The following SPC24 variants were observed in gnomAD, a reference collection of about 807,000 sequenced individuals.
SPC24 encodes kinetochore protein Spc24.
Under a neutral mutation model 27.6 loss-of-function variants are expected in SPC24, and 31 were observed. That is an observed-to-expected ratio of 1.12 (90% CI 0.84 to 1.52). SPC24 has a LOEUF of 1.52. Among genes scored for constraint, SPC24 ranks in the 40% most tolerant of loss-of-function variants. The pLI is 0.00. For missense variants in SPC24, 284 were observed against 252.5 expected, an observed-to-expected ratio of 1.12 and a Z score of -0.84; for synonymous variants, 105 against 105.8, an observed-to-expected ratio of 0.99 and a Z score of 0.05.
rs1453196112 is a variant in SPC24, at chr19:11,146,259, C to T, written c.*924G>A. The stretch of plus-strand genomic sequence containing the variant: ...GGTGCCTAGCAGAGTCTGGGCACAC[C>T]GTGGCACTCAAACATACCCCCTGAA... On this transcript the variant is annotated 3_prime_UTR_variant, in exon 5 of 5. Coordinates refer to ENST00000592540, the MANE Select transcript of SPC24 (RefSeq NM_182513.4). 5 of 151,444 alleles carry T rather than the reference C, an allele frequency of 3.3e-5. No individual in the cohort carries two copies. The highest frequency in any genetic ancestry group is 1.9e-4 in the East Asian group (1 of 5,150). 9.4% of individuals were successfully genotyped at this position (151,444 alleles called of 1,614,324 possible).
At position 11,147,970 on chromosome 19, in the gene SPC24, G is replaced by A. The variant is rs373725218; in HGVS notation, c.410+43C>T. The A allele has an allele frequency of 1.4e-5, 23 of 1,597,366 alleles. No individual in the cohort carries two copies. The African/African-American group carries it at 2.8e-4, about 20-fold the overall frequency. ...ACCAACTTCAACCAAGAGCCGGACT[G>A]CACAAGGAGGCACAGGCAGGCACAC... is the stretch of plus-strand genomic sequence containing the variant. On this transcript the variant is annotated intron_variant, in intron 3 of 4. Transcript: ENST00000592540.
chr19:11,153,546 G>T (rs1365949611), intron 1 of SPC24, among the ~76,000 whole-genome samples: 1 of 151,952 alleles, frequency 6.6e-6, no homozygotes, highest in Non-Finnish European at 1.5e-5. Flanking sequence ...CGGATCACGA[G>T]GTCAAGAGTT....
At position 11,148,033 on chromosome 19, in the gene SPC24, T is replaced by G. The variant is rs939035831; in HGVS notation, c.390A>C (p.Thr130=). ...CCTACACGGCCGAGGGGATTGTGAC[T>G]GTCGTGTCCTCGTCGACCTCCTTCT... ...RQEKEVDEDT[T]VTIPSAVYVA... is the part of the protein sequence containing the mutation. Residue 130 remains threonine (T), a synonymous_variant, in exon 3 of 5, where the codon ACA becomes ACC. Coordinates refer to ENST00000592540, the MANE Select transcript of SPC24 (RefSeq NM_182513.4). 1 of 1,613,746 alleles carries G rather than the reference T, an allele frequency of 6.2e-7. No individual in the cohort carries two copies.
chr19:11,150,627 T>A (rs1457799529), intron 1 of SPC24, among the ~76,000 whole-genome samples: 1 of 151,768 alleles, frequency 6.6e-6, no homozygotes, highest in African/African-American at 2.4e-5. Context: ...AAACCCCATC[T>A]CTACTAAAAA....
At chr19:11,148,170 T>G in intron 2 of SPC24, 53 bp from the exon 3 acceptor site, 5 of 1,236,316 alleles carry the variant, frequency 4.0e-6, no homozygotes, top group East Asian at 2.4e-5. Flanking sequence ...GCCCCTGCGC[T>G]AACTGCAGCT....
intron 1 of SPC24, 143 bp from the exon 2 acceptor site, chr19:11,149,381 G>T: frequency 1.7e-6 from 1 of 598,480 alleles, no homozygotes; most frequent in South Asian, 4.5e-5. Flanking sequence ...CTGGCAACTT[G>T]TACAACTACT....
intron 1 of SPC24, among the ~76,000 whole-genome samples, chr19:11,153,752 T>C (rs1232506564): frequency 9.9e-6 from 1 of 101,100 alleles, no homozygotes; most frequent in African/African-American, 4.2e-5. Flanking sequence ...GGAGTAAGAC[T>C]GTCCTGGGAA....
chr19:11,153,035 A>AAATGT (rs1367301101), intron 1 of SPC24, among the ~76,000 whole-genome samples: 5,073 of 152,144 alleles, frequency 0.033, 287 homozygotes, highest in African/African-American at 0.12. Flanking sequence ...TGACTGTATA[A>AAATGT]GGCACCTGAA....
chr19:11,147,266 G>A lies in SPC24; in HGVS notation c.511C>T (p.Gln171Ter). 1.9e-6 allele frequency: 3 copies of A among 1,566,912 alleles called. No individual in the cohort carries two copies. The highest frequency in any genetic ancestry group is 1.9e-5 in the Admixed American group (1 of 53,150). The change falls in exon 5 of 5, where the codon CAG becomes TAG. Residue 171 changes from glutamine to a stop codon, truncating the protein, a stop_gained. Transcript: ENST00000592540. LOFTEE classifies it high-confidence loss of function. ...TGGGTGCTGTCCAGGTGGATGGGCT[G>A]GGCCACACTGGGGCCATGATGGACT... The part of the protein sequence containing the change: ...KGIHHGPSVA[Q>*]PIHLDSTQLS...
In SPC24 at chr19:11,148,002, G is replaced by A. The variant is rs2077841191; in HGVS notation, c.410+11C>T. 1 of 1,612,636 alleles carries A rather than the reference G, an allele frequency of 6.2e-7. No homozygotes were observed. Among genetic ancestry groups the A allele is most frequent in the Non-Finnish European group, 8.5e-7 (1 of 1,179,048 alleles). ...GAGGCACAGGCAGGCACACGTTTTG[G>A]CAGAACCTACACGGCCGAGGGGATT... On this transcript the variant is annotated intron_variant, in intron 3 of 4. Coordinates refer to ENST00000592540, the MANE Select transcript of SPC24 (RefSeq NM_182513.4).
intron 1 of SPC24, among the ~76,000 whole-genome samples, chr19:11,152,011 C>T (rs2077876384): frequency 6.6e-6 from 1 of 151,766 alleles, no homozygotes; most frequent in Non-Finnish European, 1.5e-5. Context: ...ACCTCTGCTT[C>T]CCAGGTTCAA....
In SPC24 at chr19:11,155,578, C is replaced by T. The variant is rs766297582; in HGVS notation, c.160+39G>A. 7.9e-6 allele frequency: 12 copies of T among 1,524,698 alleles called. No homozygotes were observed. The South Asian group carries it at 1.4e-4, about 18-fold the overall frequency. 94.4% of individuals were successfully genotyped at this position (1,524,698 alleles called of 1,614,324 possible). On this transcript the variant is annotated intron_variant, in intron 1 of 4. Transcript: ENST00000592540. ...GTCGCCCCCTCCCAGCACCCGGGCC[C>T]CTTCCCCCGTGGGCCCGCGACCACG...
chr19:11,154,844 G>A (rs914887916), intron 1 of SPC24, among the ~76,000 whole-genome samples: 3 of 152,150 alleles, frequency 2.0e-5, no homozygotes, highest in Admixed American at 1.3e-4. Context: ...GCTGATGGTT[G>A]CACAGCAGTG....
At chr19:11,153,964 C>T (rs1253192827) in intron 1 of SPC24, among the ~76,000 whole-genome samples, 43 of 151,788 alleles carry the variant, frequency 2.8e-4, no homozygotes, top group Admixed American at 2.8e-3. Flanking sequence ...GTCCCAGCTA[C>T]TCGGGAGGCT....
At position 11,145,897 on chromosome 19, in the gene SPC24, A is replaced by G. The variant is rs898071625; in HGVS notation, c.*1286T>C. The G allele has an allele frequency of 2.0e-4, 30 of 152,396 alleles. No homozygotes were observed. Among genetic ancestry groups the G allele is most frequent in the African/African-American group, 7.0e-4 (29 of 41,596 alleles). 9.4% of individuals were successfully genotyped at this position (152,396 alleles called of 1,614,324 possible). A position where few individuals can be genotyped will look rare whatever the true frequency, so the allele number is the denominator to read the frequency against. On this transcript the variant is annotated 3_prime_UTR_variant, in exon 5 of 5. Transcript: ENST00000592540. ...CTCCCAAAGTGCTAGGATCACAGGC[A>G]TGAGCCACCACACCAGGCCAAATTT...
At chr19:11,153,761 A>G (rs199890741) in intron 1 of SPC24, among the ~76,000 whole-genome samples, 16 of 7,754 alleles carry the variant, frequency 2.1e-3, no homozygotes, top group African/African-American at 8.1e-3. Context: ...CTGTCCTGGG[A>G]AAAAAAAAAA....
chr19:11,146,465 T>TAAACAAAAAAA lies in SPC24; in HGVS notation c.*717_*718insTTTTTTTGTTT. ...AAAATCAGGAGAAAAAGAAATCCAG[T>TAAACAAAAAAA]AAAAAAAAAAAAAAAAAAGGCCAGG... is the stretch of plus-strand genomic sequence containing the variant. On this transcript the variant is annotated 3_prime_UTR_variant, in exon 5 of 5. Transcript: ENST00000592540. 1 of 43,072 alleles carries TAAACAAAAAAA rather than the reference T, an allele frequency of 2.3e-5. No individual in the cohort carries two copies. The highest frequency in any genetic ancestry group is 3.9e-5 in the Non-Finnish European group (1 of 25,318). 2.7% of individuals were successfully genotyped at this position (43,072 alleles called of 1,614,324 possible). A position where few individuals can be genotyped will look rare whatever the true frequency, so the allele number is the denominator to read the frequency against.
At chr19:11,149,359 CAG>C in intron 1 of SPC24, 121 bp from the exon 2 acceptor site, 1 of 897,154 alleles carries the variant, frequency 1.1e-6, no homozygotes. Context: ...GCCCTGTGTC[CAG>C]AGAGTTCTAC....
intron 1 of SPC24, among the ~76,000 whole-genome samples, chr19:11,151,133 A>C (rs1301874738): frequency 7.3e-6 from 1 of 136,364 alleles, no homozygotes; most frequent in Non-Finnish European, 1.5e-5. Context: ...ACTGCACTCC[A>C]GCCTGGGCGA....
Sources: gnomAD v4.1 joint callset for allele counts (sites outside exome capture counted in the v4.1 genomes callset) on GRCh38, gnomAD v4.1.1 for gene constraint, MANE v1.5 for transcripts, NCBI Gene and HGNC (gene_info 2026-07-23, HGNC 2026-07-21) for gene names.